The following ACCSL variants were observed in gnomAD, a reference collection of about 807,000 sequenced individuals.
The protein encoded by ACCSL is 1-aminocyclopropane-1-carboxylate synthase homolog (inactive) like, also known as probable inactive 1-aminocyclopropane-1-carboxylate synthase-like protein 2.
ACCSL carries 55 observed loss-of-function variants against 61.7 expected under a neutral mutation model. The observed-to-expected ratio is 0.89, with a 90% CI of 0.72 to 1.12. The LOEUF (loss-of-function observed/expected upper bound fraction) is 1.12. Among genes scored for constraint, ACCSL ranks in the 50% most tolerant of loss-of-function variants. The pLI, the probability that ACCSL is intolerant of heterozygous loss-of-function variation, is 0.00. For missense variants in ACCSL, 632 were observed against 698.0 expected, an observed-to-expected ratio of 0.91 and a Z score of 1.07; for synonymous variants, 258 against 264.3, an observed-to-expected ratio of 0.98 and a Z score of 0.23.
chr11:43,931,112 T>C, the ACCSL span, among the ~76,000 whole-genome samples: 1 of 152,224 alleles, frequency 6.6e-6, no homozygotes, highest in South Asian at 2.1e-4. Flanking sequence ...TTCTTCTTTG[T>C]ACTCTTCTAA....
At chr11:43,941,130 T>G in the ACCSL span, among the ~76,000 whole-genome samples, 1 of 152,202 alleles carries the variant, frequency 6.6e-6, no homozygotes, top group Non-Finnish European at 1.5e-5. Flanking sequence ...TACTAAGCAC[T>G]TAGCATGTTA....
the ACCSL span, among the ~76,000 whole-genome samples, chr11:44,006,772 T>C: frequency 1.3e-5 from 2 of 152,152 alleles, no homozygotes; most frequent in Non-Finnish European, 2.9e-5. Flanking sequence ...CTCAAAGTGC[T>C]GGGAATACAG....
At chr11:44,024,707 G>A in the ACCSL span, among the ~76,000 whole-genome samples, 4 of 151,982 alleles carry the variant, frequency 2.6e-5, no homozygotes, top group Non-Finnish European at 5.9e-5. Context: ...AGATCTAGTT[G>A]GTTTATATGT....
chr11:44,014,405 G>A, the ACCSL span, among the ~76,000 whole-genome samples: 3 of 151,986 alleles, frequency 2.0e-5, no homozygotes, highest in East Asian at 1.9e-4. Flanking sequence ...CTGCCATGTG[G>A]GCCATAGGCT....
At chr11:44,031,273 T>G in the ACCSL span, among the ~76,000 whole-genome samples, 184 of 152,306 alleles carry the variant, frequency 1.2e-3, 6 homozygotes, top group East Asian at 0.033. Flanking sequence ...GGCTCCTGGA[T>G]CACATCAGTT....
chr11:44,025,627 C>T, the ACCSL span, among the ~76,000 whole-genome samples: 11 of 152,038 alleles, frequency 7.2e-5, no homozygotes, highest in Non-Finnish European at 1.5e-4. Context: ...TTCATATTTT[C>T]CTATGTGATT....
the ACCSL span, among the ~76,000 whole-genome samples, chr11:43,978,543 C>T: frequency 1.3e-5 from 2 of 152,124 alleles, no homozygotes; most frequent in Admixed American, 6.5e-5. Flanking sequence ...GGGCCCAGAA[C>T]GCTCCCTCCC....
At chr11:43,933,470 CA>C in the ACCSL span, 1 of 197,810 alleles carries the variant, frequency 5.1e-6, no homozygotes, top group African/African-American at 2.3e-5. Flanking sequence ...GTCTTCATCT[CA>C]AAAGACAGCA....
intron 1 of ACCSL, 165 bp from the exon 2 acceptor site, chr11:44,049,897 G>T: frequency 1.2e-6 from 1 of 823,096 alleles, no homozygotes; most frequent in Non-Finnish European, 2.0e-6. Flanking sequence ...TTTGCAAGCT[G>T]TACTATTTTG....
chr11:44,022,065 T>C, the ACCSL span, among the ~76,000 whole-genome samples: 1 of 151,988 alleles, frequency 6.6e-6, no homozygotes, highest in Non-Finnish European at 1.5e-5. Context: ...CCTTCAGATT[T>C]TTTTTTTTGC....
chr11:43,942,586 CG>C, the ACCSL span: 1 of 314,654 alleles, frequency 3.2e-6, no homozygotes, highest in South Asian at 2.3e-5. Context: ...AGCTCAGAGC[CG>C]TGTGGGCAGC....
chr11:44,043,092 C>T (rs541996375), upstream of ACCSL, among the ~76,000 whole-genome samples: 8 of 152,030 alleles, frequency 5.3e-5, no homozygotes, highest in South Asian at 4.2e-4. Context: ...CAAAAATAAA[C>T]GTATTTAGCT....
the ACCSL span, among the ~76,000 whole-genome samples, chr11:43,954,782 T>C: frequency 1.3e-5 from 2 of 151,942 alleles, no homozygotes; most frequent in South Asian, 4.2e-4. Context: ...ACGGGGTTTC[T>C]CCACGTTGGT....
At chr11:43,997,545 G>A in the ACCSL span, among the ~76,000 whole-genome samples, 4 of 152,078 alleles carry the variant, frequency 2.6e-5, no homozygotes, top group Admixed American at 6.6e-5. Context: ...CATTCTCGTC[G>A]TTTTATGCCT....
the ACCSL span, among the ~76,000 whole-genome samples, chr11:43,992,597 T>G: frequency 6.6e-6 from 1 of 152,164 alleles, no homozygotes; most frequent in Non-Finnish European, 1.5e-5. Context: ...GGCATTTGAT[T>G]AGAGATACCT....
At chr11:44,026,683 C>G in the ACCSL span, among the ~76,000 whole-genome samples, 74 of 152,026 alleles carry the variant, frequency 4.9e-4, no homozygotes, top group Non-Finnish European at 9.0e-4. Context: ...TGTCCCTTCA[C>G]TAGGGTTTGT....
At position 44,047,984 on chromosome 11, in the gene ACCSL, C is replaced by G; in HGVS notation, c.-53C>G. 1.3e-6 allele frequency: 2 copies of G among 1,567,168 alleles called. No individual in the cohort carries two copies. Among genetic ancestry groups the G allele is most frequent in the Non-Finnish European group, 1.7e-6 (2 of 1,154,660 alleles). ...TCCTTTGCTCCATTGTCAATGGTCT[C>G]TTTCTCCATAGGTGCCAGGCAGCCT... On this transcript the variant is annotated 5_prime_UTR_variant, in exon 1 of 14. Coordinates refer to ENST00000378832, the MANE Select transcript of ACCSL (RefSeq NM_001031854.2).
chr11:43,949,661 A>G, the ACCSL span, among the ~76,000 whole-genome samples: 1 of 152,134 alleles, frequency 6.6e-6, no homozygotes, highest in East Asian at 1.9e-4. Context: ...CTAATAATAC[A>G]AAAATTAGCT....
At chr11:43,990,503 C>A in the ACCSL span, among the ~76,000 whole-genome samples, 1 of 152,140 alleles carries the variant, frequency 6.6e-6, no homozygotes, top group Non-Finnish European at 1.5e-5. Context: ...GTGGAACCCT[C>A]ATGCCTTAAT....
Sources: allele counts gnomAD v4.1 joint callset (sites outside exome capture counted in the v4.1 genomes callset), GRCh38; gene constraint gnomAD v4.1.1; transcripts MANE v1.5; gene names NCBI Gene and HGNC (gene_info 2026-07-23, HGNC 2026-07-21).